Variants in SVIL observed in about 807,000 individuals in gnomAD.
SVIL encodes the protein supervillin.
A neutral mutation model predicts 240.4 loss-of-function variants in SVIL; 101 were observed. The observed-to-expected ratio is 0.42, with a 90% CI of 0.36 to 0.50. SVIL has a LOEUF of 0.50. Among genes scored for constraint, SVIL ranks in the 20% least tolerant of loss-of-function variants. The pLI, the probability that SVIL is intolerant of heterozygous loss-of-function variation, is 0.01. For missense variants in SVIL, 2,512 were observed against 2,818.7 expected (o/e 0.89, Z 2.46); for synonymous variants, 999 against 1,100.0 (o/e 0.91, Z 1.82).
chr10:29,470,930 G>A (rs374388362), intron 31 of SVIL, among the ~76,000 whole-genome samples: 2 of 152,040 alleles, frequency 1.3e-5, no homozygotes, highest in African/African-American at 4.8e-5. Context: ...AGCCTCCTGC[G>A]TGCAAAGGTG....
chr10:29,550,382 C>T (rs1247208996), intron 6 of SVIL, among the ~76,000 whole-genome samples: 1 of 150,684 alleles, frequency 6.6e-6, no homozygotes, highest in Non-Finnish European at 1.5e-5. Flanking sequence ...TTCCAGGCTG[C>T]AGTGAGCTAT....
intron 2 of SVIL, among the ~76,000 whole-genome samples, chr10:29,676,201 A>C (rs902462633): frequency 2.6e-5 from 4 of 152,154 alleles, no homozygotes; most frequent in African/African-American, 9.7e-5. Flanking sequence ...CACCTGCAGC[A>C]CCTGAATAAA....
rs1950966891 is a variant in SVIL at position 29,526,987 on chromosome 10, T to C, written c.2316A>G (p.Val772=). ...TGGCAGGCTGCACAGCGCTCCTAGC[T>C]ACAGTGGGGCTAGGAAGTCTCGCCA... is the stretch of plus-strand genomic sequence containing the variant. The part of the protein sequence containing the change: ...PVMARLPSPT[V]ARSAVQPARL... Residue 772 remains valine, a synonymous_variant, in exon 13 of 38, where the codon GTA becomes GTG. Coordinates refer to ENST00000355867, the MANE Select transcript of SVIL (RefSeq NM_021738.3). 1 of 1,610,208 alleles carries C rather than the reference T, an allele frequency of 6.2e-7. No individual in the cohort carries two copies. The highest frequency in any genetic ancestry group is 8.5e-7 in the Non-Finnish European group (1 of 1,178,686).
chr10:29,652,607 G>A (rs1958873119), intron 3 of SVIL, among the ~76,000 whole-genome samples: 1 of 152,132 alleles, frequency 6.6e-6, no homozygotes, highest in Admixed American at 6.5e-5. Flanking sequence ...GATATATTGG[G>A]TTATAAAAGG....
chr10:29,490,401 CA>C (rs1329577252), intron 22 of SVIL, among the ~76,000 whole-genome samples: 1 of 151,980 alleles, frequency 6.6e-6, no homozygotes. Context: ...GCTGAATTAC[CA>C]TACTCAGAAA....
intron 3 of SVIL, among the ~76,000 whole-genome samples, chr10:29,555,455 C>T (rs1451202323): frequency 6.6e-6 from 1 of 152,054 alleles, no homozygotes; most frequent in Admixed American, 6.6e-5. Flanking sequence ...ACTCAACATA[C>T]TGTTTAATAT....
intron 1 of SVIL, among the ~76,000 whole-genome samples, chr10:29,581,639 A>G (rs1168167259): frequency 4.6e-5 from 7 of 152,224 alleles, no homozygotes; most frequent in African/African-American, 9.6e-5. Context: ...CACCTAAAAG[A>G]CTTATTAGTG....
chr10:29,491,538 G>A (rs1462448218), intron 21 of SVIL, among the ~76,000 whole-genome samples: 1 of 152,010 alleles, frequency 6.6e-6, no homozygotes, highest in African/African-American at 2.4e-5. Flanking sequence ...TCCACTTAAC[G>A]CACTGCCTCC....
At chr10:29,465,443 G>T in intron 34 of SVIL, 152 bp downstream of exon 34, 1 of 948,192 alleles carries the variant, frequency 1.1e-6, no homozygotes, top group Non-Finnish European at 1.5e-6. Context: ...GTGTAGGGGT[G>T]AGGATGAAAA....
chr10:29,528,760 C>G (rs1951123483), intron 12 of SVIL, among the ~76,000 whole-genome samples: 1 of 151,756 alleles, frequency 6.6e-6, no homozygotes, highest in South Asian at 2.1e-4. Context: ...ATGCCCCCCG[C>G]AAAAATAAGA....
intron 1 of SVIL, among the ~76,000 whole-genome samples, chr10:29,733,497 G>A (rs1964735033): frequency 6.6e-6 from 1 of 152,050 alleles, no homozygotes. Context: ...TAGAAACAGG[G>A]TCTCACTATG....
chr10:29,659,689 T>G (rs895048814), intron 2 of SVIL, among the ~76,000 whole-genome samples: 2 of 152,148 alleles, frequency 1.3e-5, no homozygotes, highest in Non-Finnish European at 2.9e-5. Flanking sequence ...AAATAAATTA[T>G]TGTCACCACT....
At chr10:29,676,586 T>C (rs1423452825) in intron 2 of SVIL, among the ~76,000 whole-genome samples, 3 of 152,074 alleles carry the variant, frequency 2.0e-5, no homozygotes, top group Admixed American at 6.5e-5. Flanking sequence ...CAAAGGTAAG[T>C]ACAAAAAAAT....
chr10:29,717,748 G>A (rs180967409), intron 1 of SVIL, among the ~76,000 whole-genome samples: 6 of 152,250 alleles, frequency 3.9e-5, no homozygotes, highest in South Asian at 2.1e-4. Context: ...TGCGAATATC[G>A]TGGAGAATGA....
upstream of SVIL, among the ~76,000 whole-genome samples, chr10:29,636,641 A>G (rs1471860213): frequency 1.3e-5 from 2 of 152,158 alleles, no homozygotes; most frequent in South Asian, 2.1e-4. Flanking sequence ...TTTTTTTGCT[A>G]TCTGCCTGGC....
At position 29,551,018 on chromosome 10, in the gene SVIL, A is replaced by G; in HGVS notation, c.406T>C (p.Tyr136His). The G allele has an allele frequency of 3.1e-6, 5 of 1,614,094 alleles. No homozygotes were observed. Among genetic ancestry groups the G allele is most frequent in the Non-Finnish European group, 4.2e-6 (5 of 1,180,018 alleles). Residue 136 changes from tyrosine to histidine, a missense_variant, in exon 6 of 38, where the codon TAT (tyrosine) becomes CAT (histidine). Transcript: ENST00000355867. ...PEADSEYLSR[Y>H]TKSRKEPDAV... ...TCAGGCTCCTTCCTGGACTTGGTAT[A>G]GCGGGATAAATACTCGGAGTCGGCC...
chr10:29,717,243 A>ATC (rs1244277730), intron 1 of SVIL, among the ~76,000 whole-genome samples: 3 of 145,634 alleles, frequency 2.1e-5, no homozygotes, highest in African/African-American at 7.8e-5. Context: ...AAAAAAAAAA[A>ATC]AAAAAAAAAA....
chr10:29,727,592 G>A (rs897358684), intron 1 of SVIL, among the ~76,000 whole-genome samples: 1 of 151,984 alleles, frequency 6.6e-6, no homozygotes, highest in Non-Finnish European at 1.5e-5. Flanking sequence ...CAAACCACCT[G>A]GGATAAGTAA....
Position 29,458,257 on chromosome 10 carries a change from C to G in SVIL, c.6635G>C (p.Gly2212Ala). 1 of 1,614,186 alleles carries G rather than the reference C, an allele frequency of 6.2e-7. No individual in the cohort carries two copies. The highest frequency in any genetic ancestry group is 1.1e-5 in the South Asian group (1 of 91,084). Residue 2212 changes from glycine (G) to alanine (A), a missense_variant, in exon 38 of 38, where the codon GGC becomes GCC. Coordinates refer to ENST00000355867, the MANE Select transcript of SVIL (RefSeq NM_021738.3). ...WKQVNLKKAK[G>A]LF Reference sequence around the variant, plus strand: ...CTGGCGTCTCCCCACTCAGAACAGGCCTTTTGCTTTCTTCAGGTTCACCTG... The same window carrying G: ...CTGGCGTCTCCCCACTCAGAACAGGGCTTTTGCTTTCTTCAGGTTCACCTG...
Sources: gnomAD v4.1 joint callset for allele counts (sites outside exome capture counted in the v4.1 genomes callset) on GRCh38, gnomAD v4.1.1 for gene constraint, MANE v1.5 for transcripts, NCBI Gene and HGNC (gene_info 2026-07-23, HGNC 2026-07-21) for gene names.